CACNA2D3: variants seen among roughly 807,000 people sequenced by gnomAD.
CACNA2D3 encodes the protein voltage-dependent calcium channel subunit alpha-2/delta-3.
A neutral mutation model predicts 160.6 loss-of-function variants in CACNA2D3; 60 were observed. That is an observed-to-expected ratio of 0.37 (90% CI 0.30 to 0.46). CACNA2D3 has a LOEUF of 0.46. Ranked by LOEUF, CACNA2D3 falls within the 20% of genes least tolerant of loss-of-function variation. The pLI, the probability that CACNA2D3 is intolerant of heterozygous loss-of-function variation, is 1.00. For missense variants in CACNA2D3, 1,205 were observed against 1,365.0 expected, an observed-to-expected ratio of 0.88 and a Z score of 1.85; for synonymous variants, 558 against 492.9, an observed-to-expected ratio of 1.13 and a Z score of -1.75.
intron 2 of CACNA2D3, among the ~76,000 whole-genome samples, chr3:54,201,295 G>A (rs1227714142): frequency 1.3e-5 from 2 of 152,054 alleles, no homozygotes; most frequent in Non-Finnish European, 2.9e-5. Flanking sequence ...TATATACTTC[G>A]AAAAGTGCTG....
chr3:54,211,648 A>T (rs945374453), intron 2 of CACNA2D3, among the ~76,000 whole-genome samples: 1 of 152,214 alleles, frequency 6.6e-6, no homozygotes, highest in African/African-American at 2.4e-5. Context: ...TGTAAAGTGA[A>T]TACTTTCTTC....
At chr3:54,568,278 C>T (rs1407013494) in intron 6 of CACNA2D3, among the ~76,000 whole-genome samples, 2 of 152,118 alleles carry the variant, frequency 1.3e-5, no homozygotes, top group Non-Finnish European at 2.9e-5. Flanking sequence ...CAAATTTGAG[C>T]GTTTGAATCT....
intron 4 of CACNA2D3, among the ~76,000 whole-genome samples, chr3:54,495,793 G>C (rs1701193666): frequency 6.6e-6 from 1 of 152,066 alleles, no homozygotes; most frequent in African/African-American, 2.4e-5. Context: ...AGGACTCCAG[G>C]AAGCTCTGTT....
intron 2 of CACNA2D3, among the ~76,000 whole-genome samples, chr3:54,285,748 A>G (rs1703002545): frequency 6.6e-6 from 1 of 152,324 alleles, no homozygotes; most frequent in Non-Finnish European, 1.5e-5. Context: ...GAGGAAGATC[A>G]GGCAGCAGCA....
intron 2 of CACNA2D3, among the ~76,000 whole-genome samples, chr3:54,317,893 A>G (rs1301890226): frequency 6.6e-6 from 1 of 152,306 alleles, no homozygotes; most frequent in East Asian, 1.9e-4. Flanking sequence ...TACTCCTGTG[A>G]TAACAGCATT....
At chr3:54,532,062 G>C (rs923958228) in intron 5 of CACNA2D3, among the ~76,000 whole-genome samples, 1 of 152,200 alleles carries the variant, frequency 6.6e-6, no homozygotes, top group Non-Finnish European at 1.5e-5. Context: ...CTTTCTGCCT[G>C]ACCCTGTGGA....
intron 13 of CACNA2D3, among the ~76,000 whole-genome samples, chr3:54,781,347 A>G (rs1012633583): frequency 6.6e-6 from 1 of 152,220 alleles, no homozygotes; most frequent in Non-Finnish European, 1.5e-5. Flanking sequence ...TCTGGAGATG[A>G]TAATCCAACA....
intron 17 of CACNA2D3, among the ~76,000 whole-genome samples, chr3:54,862,267 A>G (rs1300900321): frequency 6.6e-6 from 1 of 152,180 alleles, no homozygotes; most frequent in Non-Finnish European, 1.5e-5. Flanking sequence ...GGTGGCCACA[A>G]AGATGGAGCC....
At chr3:54,635,304 T>C (rs896177705) in intron 10 of CACNA2D3, among the ~76,000 whole-genome samples, 3 of 152,004 alleles carry the variant, frequency 2.0e-5, no homozygotes, top group African/African-American at 7.3e-5. Context: ...AAATTCAGCA[T>C]AGTCCTGCCA....
intron 11 of CACNA2D3, among the ~76,000 whole-genome samples, chr3:54,695,256 G>A (rs769492528): frequency 3.9e-5 from 6 of 152,166 alleles, no homozygotes; most frequent in South Asian, 4.1e-4. Flanking sequence ...GACCTCAGGC[G>A]ATCCACCTGC....
At chr3:54,259,558 G>T (rs1702367001) in intron 2 of CACNA2D3, among the ~76,000 whole-genome samples, 1 of 152,168 alleles carries the variant, frequency 6.6e-6, no homozygotes, top group Non-Finnish European at 1.5e-5. Context: ...CGTGTGGTGG[G>T]ATTGAAAAGA....
intron 2 of CACNA2D3, among the ~76,000 whole-genome samples, chr3:54,195,076 C>T (rs977838727): frequency 1.3e-5 from 2 of 152,202 alleles, no homozygotes; most frequent in Non-Finnish European, 2.9e-5. Context: ...TACAGCCAGC[C>T]CTTGAACCTC....
At position 54,581,026 on chromosome 3, in the gene CACNA2D3, C is replaced by T. The variant is rs186934883; in HGVS notation, c.889-777C>T. The stretch of plus-strand genomic sequence containing the variant: ...TAGAGTGTCAGCAGGACCAAGGGTC[C>T]AGAGCCTCACAAAGTCCCGGGAACA... On this transcript the variant is annotated intron_variant, in intron 8 of 37. Coordinates refer to ENST00000474759, the MANE Select transcript of CACNA2D3 (RefSeq NM_018398.3). 1.5e-3 allele frequency among the ~76,000 whole-genome samples: 226 copies of T among 152,236 alleles called. 1 individual carries two copies. The highest frequency in any genetic ancestry group is 2.6e-3 in the Non-Finnish European group (177 of 68,012).
intron 2 of CACNA2D3, among the ~76,000 whole-genome samples, chr3:54,218,830 C>T (rs1429682393): frequency 6.6e-6 from 1 of 152,122 alleles, no homozygotes; most frequent in Admixed American, 6.5e-5. Context: ...GTGGTCTCTT[C>T]CAGCGGTGGC....
intron 11 of CACNA2D3, among the ~76,000 whole-genome samples, chr3:54,664,246 TG>T (rs1053746234): frequency 1.3e-5 from 2 of 152,172 alleles, no homozygotes; most frequent in Admixed American, 1.3e-4. Flanking sequence ...ACAAGGCCAG[TG>T]GTGTCCCCGT....
intron 5 of CACNA2D3, among the ~76,000 whole-genome samples, chr3:54,558,750 CATT>C (rs1453214213): frequency 3.3e-5 from 5 of 152,116 alleles, no homozygotes; most frequent in Non-Finnish European, 5.9e-5. Context: ...GAGATAATCT[CATT>C]ATTTTTTATG....
intron 2 of CACNA2D3, among the ~76,000 whole-genome samples, chr3:54,304,116 C>T (rs2107492945): frequency 6.6e-6 from 1 of 152,214 alleles, no homozygotes; most frequent in East Asian, 1.9e-4. Flanking sequence ...TTAGCAGCAT[C>T]TCTGACCTCT....
chr3:54,149,543 A>G (rs947947846), intron 2 of CACNA2D3, among the ~76,000 whole-genome samples: 12 of 152,148 alleles, frequency 7.9e-5, no homozygotes, highest in Non-Finnish European at 5.9e-5. Context: ...CCGGGTTGGC[A>G]TGTCCCCTTG....
chr3:54,643,764 C>T (rs56148538), intron 11 of CACNA2D3, among the ~76,000 whole-genome samples: 308 of 152,272 alleles, frequency 2.0e-3, no homozygotes, highest in African/African-American at 7.1e-3. Flanking sequence ...CAGTGCTGAG[C>T]GTCTGGCAGG....
Sources: gnomAD v4.1 joint callset for allele counts (sites outside exome capture counted in the v4.1 genomes callset) on GRCh38, gnomAD v4.1.1 for gene constraint, MANE v1.5 for transcripts, NCBI Gene and HGNC (gene_info 2026-07-23, HGNC 2026-07-21) for gene names.